KCNMA1: variants seen among roughly 807,000 people sequenced by gnomAD.
The protein encoded by KCNMA1 is Calcium-activated potassium channel subunit alpha-1.
Under a neutral mutation model 140.0 loss-of-function variants are expected in KCNMA1, and 29 were observed. That is an observed-to-expected ratio of 0.21 (90% CI 0.15 to 0.28). The LOEUF (loss-of-function observed/expected upper bound fraction) is 0.28, where lower values mean the gene tolerates loss of function less well. Among genes scored for constraint, KCNMA1 ranks in the 10% least tolerant of loss-of-function variants. The pLI is 1.00. For synonymous variants in KCNMA1, 612 were observed against 611.9 expected, an observed-to-expected ratio of 1.00 and a Z score of 0.00; for missense variants, 880 against 1,602.2, an observed-to-expected ratio of 0.55 and a Z score of 7.70.
chr10:76,897,456 T>A (rs2043080381), intron 25 of KCNMA1, among the ~76,000 whole-genome samples: 1 of 151,972 alleles, frequency 6.6e-6, no homozygotes, highest in South Asian at 2.1e-4. Flanking sequence ...GTAAGAGGAA[T>A]GTCAAAGGAA....
chr10:77,582,400 A>G (rs1411215004), intron 1 of KCNMA1, among the ~76,000 whole-genome samples: 2 of 152,198 alleles, frequency 1.3e-5, no homozygotes, highest in Non-Finnish European at 2.9e-5. Flanking sequence ...ATTAAAGTTG[A>G]TATCATCATT....
chr10:77,347,612 C>T (rs1278311703), intron 2 of KCNMA1, among the ~76,000 whole-genome samples: 1 of 152,116 alleles, frequency 6.6e-6, no homozygotes, highest in Admixed American at 6.5e-5. Flanking sequence ...GGGTGTGCTT[C>T]ACCTCCTTCC....
chr10:77,546,544 C>A (rs911647923), intron 1 of KCNMA1, among the ~76,000 whole-genome samples: 1 of 152,246 alleles, frequency 6.6e-6, no homozygotes, highest in African/African-American at 2.4e-5. Flanking sequence ...CAGGCCACTG[C>A]CGGCCTGTTC....
Position 76,891,733 on chromosome 10 carries a change from G to A in KCNMA1, c.3148-14C>T, listed in dbSNP as rs1161554152. On this transcript the variant is annotated splice_polypyrimidine_tract_variant and intron_variant, in intron 25 of 27. Coordinates refer to ENST00000286628, the MANE Select transcript of KCNMA1 (RefSeq NM_001161352.2). ...ATTGAAGTACGTCTGGGGAAGGAGA[G>A]AAAGTGAGGGAAAAGTCCTTTAAGC... 2 of 1,608,228 alleles carry A rather than the reference G, an allele frequency of 1.2e-6. No homozygotes were observed. The highest frequency in any genetic ancestry group is 1.7e-6 in the Non-Finnish European group (2 of 1,175,872).
intron 14 of KCNMA1, among the ~76,000 whole-genome samples, chr10:77,056,935 G>A (rs546320561): frequency 6.6e-6 from 1 of 152,032 alleles, no homozygotes; most frequent in African/African-American, 2.4e-5. Flanking sequence ...TGATACATCA[G>A]AAAAAGATTT....
At chr10:77,576,848 T>C (rs923261268) in intron 1 of KCNMA1, among the ~76,000 whole-genome samples, 2 of 152,046 alleles carry the variant, frequency 1.3e-5, no homozygotes, top group Non-Finnish European at 2.9e-5. Flanking sequence ...TCCAAGTCAT[T>C]TAACGGGAGG....
At chr10:76,981,242 C>T (rs1691608055) in intron 19 of KCNMA1, among the ~76,000 whole-genome samples, 1 of 152,144 alleles carries the variant, frequency 6.6e-6, no homozygotes, top group African/African-American at 2.4e-5. Flanking sequence ...CCCACCTGAC[C>T]CCTAGCCTTG....
At position 76,987,878 on chromosome 10, in the gene KCNMA1, G is replaced by GTC. The variant is rs149188568; in HGVS notation, c.2266+13527_2266+13528dup. Among the ~76,000 whole-genome samples, 889 of 152,226 alleles carry GTC rather than the reference G, an allele frequency of 5.8e-3. 22 individuals carry two copies. The highest frequency in any genetic ancestry group is 0.035 in the Admixed American group (528 of 15,296). On this transcript the variant is annotated intron_variant, in intron 19 of 27. Coordinates refer to ENST00000286628, the MANE Select transcript of KCNMA1 (RefSeq NM_001161352.2). ...TTAAAAAACAAGGAACCATCAAAAGGTCTCTCTCTTTAAAATGGGATAACA... is the reference window on the plus strand; with the variant it reads ...TTAAAAAACAAGGAACCATCAAAAGGTCTCTCTCTCTTTAAAATGGGATAACA...
At chr10:77,371,760 C>T (rs1338461172) in intron 2 of KCNMA1, among the ~76,000 whole-genome samples, 2 of 152,176 alleles carry the variant, frequency 1.3e-5, no homozygotes, top group Non-Finnish European at 2.9e-5. Flanking sequence ...CACCACATGG[C>T]CCACTGCACT....
At chr10:76,894,441 A>C (rs2041612505) in intron 25 of KCNMA1, among the ~76,000 whole-genome samples, 1 of 152,248 alleles carries the variant, frequency 6.6e-6, no homozygotes, top group African/African-American at 2.4e-5. Context: ...TGGACATGAC[A>C]CAAAAAGCAT....
At chr10:77,577,242 G>T (rs563106832) in intron 1 of KCNMA1, among the ~76,000 whole-genome samples, 18 of 151,934 alleles carry the variant, frequency 1.2e-4, no homozygotes, top group Non-Finnish European at 2.2e-4. Context: ...AGAGACGGGG[G>T]TTTCACCATC....
intron 1 of KCNMA1, among the ~76,000 whole-genome samples, chr10:77,456,203 A>G (rs1030948184): frequency 1.1e-4 from 17 of 152,320 alleles, no homozygotes; most frequent in African/African-American, 4.1e-4. Flanking sequence ...CTTTGGCCAC[A>G]TAGGCATGGA....
chr10:77,442,615 G>C (rs1187063298), intron 1 of KCNMA1, among the ~76,000 whole-genome samples: 2 of 152,114 alleles, frequency 1.3e-5, no homozygotes, highest in Admixed American at 1.3e-4. Context: ...CTGCTTATGA[G>C]GACCTATCGA....
Position 77,259,869 on chromosome 10 carries a change from C to T in KCNMA1, c.541-8613G>A, listed in dbSNP as rs1018183162. Among the ~76,000 whole-genome samples the T allele has an allele frequency of 7.2e-5, 11 of 152,278 alleles. No individual in the cohort carries two copies. The Middle Eastern group carries it at 0.01, about 141-fold the overall frequency. ...GCTGGATGGCAAGTTCTATGAAGGC[C>T]GGGTGTGTGTCCATTTTTAGTTATC... is the stretch of plus-strand genomic sequence containing the variant. On this transcript the variant is annotated intron_variant, in intron 2 of 27. Coordinates refer to ENST00000286628, the MANE Select transcript of KCNMA1 (RefSeq NM_001161352.2).
At chr10:77,155,764 C>A (rs1480569187) in intron 5 of KCNMA1, among the ~76,000 whole-genome samples, 1 of 152,128 alleles carries the variant, frequency 6.6e-6, no homozygotes, top group Non-Finnish European at 1.5e-5. Context: ...CAAGACTTTA[C>A]TAAGGCTAAA....
At chr10:76,947,337 C>CAAAACAAACAAACAAACA (rs1306314979) in intron 22 of KCNMA1, among the ~76,000 whole-genome samples, 6 of 152,102 alleles carry the variant, frequency 3.9e-5, no homozygotes, top group Non-Finnish European at 4.4e-5. Context: ...AACTTGGACT[C>CAAAACAAACAAACAAACA]AAAACAAACA....
At chr10:77,053,251 G>C (rs11001998) in intron 14 of KCNMA1, among the ~76,000 whole-genome samples, 12,427 of 152,234 alleles carry the variant, frequency 0.082, 647 homozygotes, top group Non-Finnish European at 0.12. Flanking sequence ...GCACACAGCT[G>C]TTCTCCTTGC....
chr10:77,518,278 C>T (rs78463813), intron 1 of KCNMA1, among the ~76,000 whole-genome samples: 1 of 152,194 alleles, frequency 6.6e-6, no homozygotes, highest in East Asian at 1.9e-4. Flanking sequence ...TATGTTTCTG[C>T]CTCCCCCAGT....
In KCNMA1 at chr10:77,580,209, G is replaced by A. The variant is rs1478573949; in HGVS notation, c.378+57056C>T. 3.3e-5 allele frequency among the ~76,000 whole-genome samples: 5 copies of A among 151,772 alleles called. No homozygotes were observed. In the East Asian group the frequency reaches 7.7e-4, roughly 24 times the overall value. On this transcript the variant is annotated intron_variant, in intron 1 of 27. Coordinates refer to ENST00000286628, the MANE Select transcript of KCNMA1 (RefSeq NM_001161352.2). ...ATCTTGGCTAACATAGTGAAACCCCGTCTCCACTAAAAATACAAAAAATTA... is the reference window on the plus strand; with the variant it reads ...ATCTTGGCTAACATAGTGAAACCCCATCTCCACTAAAAATACAAAAAATTA...
Sources: gnomAD v4.1 joint callset for allele counts (sites outside exome capture counted in the v4.1 genomes callset) on GRCh38, gnomAD v4.1.1 for gene constraint, MANE v1.5 for transcripts, NCBI Gene and HGNC (gene_info 2026-07-23, HGNC 2026-07-21) for gene names.